Variants in TNRC6B observed in about 807,000 individuals in gnomAD.
The protein encoded by TNRC6B is trinucleotide repeat containing adaptor 6B, also known as trinucleotide repeat-containing gene 6B protein.
In TNRC6B, 52 loss-of-function variants were observed where a neutral mutation model predicts 203.6. The ratio of observed to expected loss-of-function variants is 0.26; its 90% confidence interval spans 0.20 to 0.32. The LOEUF (loss-of-function observed/expected upper bound fraction) is 0.32, where lower values mean the gene tolerates loss of function less well. Ranked by LOEUF, TNRC6B falls within the 10% of genes least tolerant of loss-of-function variation. TNRC6B has a pLI of 1.00. For synonymous variants in TNRC6B, 838 were observed against 845.7 expected (o/e 0.99, Z 0.16); for missense variants, 1,923 against 2,286.2 (o/e 0.84, Z 3.24).
intron 1 of TNRC6B, among the ~76,000 whole-genome samples, chr22:40,104,908 A>T (rs1326181013): frequency 3.9e-5 from 6 of 152,200 alleles, no homozygotes. Flanking sequence ...TAGACCTGGA[A>T]TTTAGACCAA....
intron 1 of TNRC6B, among the ~76,000 whole-genome samples, chr22:40,207,617 ACTC>A (rs1342208001): frequency 6.6e-6 from 1 of 151,734 alleles, no homozygotes; most frequent in Non-Finnish European, 1.5e-5. Flanking sequence ...ACAATGCAGA[ACTC>A]CTACTAATCA....
rs115220436 is a variant in TNRC6B at position 40,071,251 on chromosome 22, A to G, written c.-121+26253A>G. Among the ~76,000 whole-genome samples, 1,398 of 152,274 alleles carry G rather than the reference A, an allele frequency of 9.2e-3. 20 individuals are homozygous for G. Among genetic ancestry groups the G allele is most frequent in the African/African-American group, 0.032 (1,332 of 41,550 alleles). On this transcript the variant is annotated intron_variant, in intron 1 of 23. Transcript: ENST00000301923. ...GTTGCCACTGTCCCCTGATACCTCC[A>G]CTAGATACTTCCTACTCCTTGCTGG...
intron 1 of TNRC6B, among the ~76,000 whole-genome samples, chr22:40,230,385 G>A (rs2069852400): frequency 1.3e-5 from 2 of 150,198 alleles, no homozygotes; most frequent in Non-Finnish European, 1.5e-5. Context: ...CGCCTCCCAG[G>A]CTCAAGCAAT....
At chr22:40,213,159 A>G (rs1158189386) in intron 1 of TNRC6B, among the ~76,000 whole-genome samples, 1 of 152,212 alleles carries the variant, frequency 6.6e-6, no homozygotes, top group African/African-American at 2.4e-5. Context: ...ACCTGGAGTA[A>G]TAAACTTGTG....
intron 1 of TNRC6B, among the ~76,000 whole-genome samples, chr22:40,099,744 A>C (rs536300220): frequency 1.3e-5 from 2 of 152,142 alleles, no homozygotes; most frequent in Admixed American, 1.3e-4. Flanking sequence ...ATACTTCTCC[A>C]TTTTATTTTA....
chr22:40,284,749 T>C (rs1485570965), intron 11 of TNRC6B, among the ~76,000 whole-genome samples: 1 of 152,190 alleles, frequency 6.6e-6, no homozygotes, highest in Non-Finnish European at 1.5e-5. Context: ...ACTTCCTTGA[T>C]GAGGATGACC....
chr22:40,214,858 G>A (rs995206022), intron 1 of TNRC6B, among the ~76,000 whole-genome samples: 2 of 152,212 alleles, frequency 1.3e-5, no homozygotes, highest in African/African-American at 4.8e-5. Flanking sequence ...CCAGCCTTGT[G>A]TTGTATTTCT....
In TNRC6B at chr22:40,331,006, A is replaced by G. The variant is rs752181670; in HGVS notation, c.*7765A>G. The G allele has an allele frequency of 6.6e-6, 1 of 152,608 alleles. No homozygotes were observed. 9.5% of individuals were successfully genotyped at this position (152,608 alleles called of 1,614,324 possible). The stretch of plus-strand genomic sequence containing the variant: ...GCATTCCCTAGTTTTCTCCGTCTGT[A>G]TGTTTGTGCTCATGTGGCTTTGGCT... On this transcript the variant is annotated 3_prime_UTR_variant, in exon 23 of 23. Coordinates refer to ENST00000454349, the MANE Select transcript of TNRC6B (RefSeq NM_001162501.2).
At chr22:40,270,323 T>C (rs2070543353) in intron 6 of TNRC6B, 43 bp downstream of exon 6, 1 of 1,357,158 alleles carries the variant, frequency 7.4e-7, no homozygotes, top group Non-Finnish European at 9.5e-7. Flanking sequence ...CTTTTTTTTT[T>C]TTTTTTTTAA....
rs182832142 is a variant in TNRC6B, at chr22:40,059,708, T to C, written c.-121+14710T>C. ...GCTTTTTAAAATATATTAAAATATG[T>C]TTTTTCTTTTTTAGTCTGTTAACAT... On this transcript the variant is annotated intron_variant, in intron 1 of 23. Transcript: ENST00000301923. Among the ~76,000 whole-genome samples the C allele has an allele frequency of 2.0e-3, 302 of 152,272 alleles. 4 individuals are homozygous for C. In the Middle Eastern group the frequency reaches 0.024, roughly 12 times the overall value.
chr22:40,075,057 GA>G (rs2067994241), intron 1 of TNRC6B, among the ~76,000 whole-genome samples: 1 of 148,140 alleles, frequency 6.8e-6, no homozygotes, highest in South Asian at 2.1e-4. Flanking sequence ...ATGTGTACCT[GA>G]AAAAAATGTA....
intron 1 of TNRC6B, among the ~76,000 whole-genome samples, chr22:40,193,035 A>T (rs991449993): frequency 1.3e-5 from 2 of 152,120 alleles, no homozygotes; most frequent in East Asian, 3.9e-4. Flanking sequence ...CCCGAAAAGG[A>T]AGGATTTTAG....
chr22:40,075,179 T>TTC (rs2068001008), intron 1 of TNRC6B, among the ~76,000 whole-genome samples: 2 of 130,984 alleles, frequency 1.5e-5, no homozygotes, highest in Admixed American at 1.5e-4. Flanking sequence ...TTTTTTTTTT[T>TTC]CTTACTGATT....
Position 40,335,766 on chromosome 22 carries a change from A to AAAAAAAG in TNRC6B, c.*12534_*12540dup, listed in dbSNP as rs1354132084. On this transcript the variant is annotated 3_prime_UTR_variant, in exon 23 of 23. Transcript: ENST00000454349. ...TACAAAATATTTTTGGGTTCCTGGA[A>AAAAAAAG]AAAAAAGAAAAAAGACTAATAAATG... 2.6e-5 allele frequency: 4 copies of AAAAAAAG among 151,146 alleles called. No individual in the cohort carries two copies. Among genetic ancestry groups the AAAAAAAG allele is most frequent in the East Asian group, 1.9e-4 (1 of 5,186 alleles). 9.4% of individuals were successfully genotyped at this position (151,146 alleles called of 1,614,324 possible). A position where few individuals can be genotyped will look rare whatever the true frequency, so the allele number is the denominator to read the frequency against.
chr22:40,311,504 G>T (rs1260347539), intron 17 of TNRC6B, among the ~76,000 whole-genome samples: 3 of 151,696 alleles, frequency 2.0e-5, no homozygotes, highest in African/African-American at 7.3e-5. Flanking sequence ...ATGCGTATTT[G>T]TGACATGAAT....
At chr22:40,152,840 C>G (rs1406952464) in intron 3 of TNRC6B, among the ~76,000 whole-genome samples, 1 of 151,786 alleles carries the variant, frequency 6.6e-6, no homozygotes, top group Non-Finnish European at 1.5e-5. Flanking sequence ...GTGGCTCACA[C>G]CTATAATCCC....
chr22:40,282,040 C>A (rs2070726443), intron 11 of TNRC6B, among the ~76,000 whole-genome samples: 1 of 152,218 alleles, frequency 6.6e-6, no homozygotes, highest in Admixed American at 6.5e-5. Flanking sequence ...AGTCACAATT[C>A]CTTTGCAACA....
chr22:40,252,601 G>GTC (rs1374911146), intron 3 of TNRC6B, among the ~76,000 whole-genome samples: 1 of 152,220 alleles, frequency 6.6e-6, no homozygotes, highest in Non-Finnish European at 1.5e-5. Flanking sequence ...GGAGAATGTA[G>GTC]TCCGGGAGTT....
intron 3 of TNRC6B, among the ~76,000 whole-genome samples, chr22:40,132,831 C>T (rs1373120955): frequency 6.8e-6 from 1 of 146,646 alleles, no homozygotes; most frequent in Non-Finnish European, 1.5e-5. Flanking sequence ...GTAGTCCCAG[C>T]TACTTGGGAG....
Sources: allele counts gnomAD v4.1 joint callset (sites outside exome capture counted in the v4.1 genomes callset), GRCh38; gene constraint gnomAD v4.1.1; transcripts MANE v1.5; gene names NCBI Gene and HGNC (gene_info 2026-07-23, HGNC 2026-07-21).